The following CRLF3 variants were observed in gnomAD, a reference collection of about 807,000 sequenced individuals.
CRLF3 encodes the protein cytokine receptor like factor 3, also known as cytokine receptor-like factor 3.
CRLF3 carries 33 observed loss-of-function variants against 55.0 expected under a neutral mutation model. The ratio of observed to expected loss-of-function variants is 0.60; its 90% CI spans 0.46 to 0.80. The LOEUF is 0.80. Among genes scored for constraint, CRLF3 ranks in the 30% least tolerant of loss-of-function variants. CRLF3 has a pLI of 0.00. For missense variants in CRLF3, 494 were observed against 538.4 expected (o/e 0.92, Z 0.82); for synonymous variants, 238 against 196.8 (o/e 1.21, Z -1.75).
chr17:30,785,046 C>G (rs1186536281), intron 7 of CRLF3: 1 of 151,422 alleles, frequency 6.6e-6, no homozygotes, highest in East Asian at 1.9e-4. Context: ...CCGTGCCCAG[C>G]CAACACCACA....
At chr17:30,822,046 C>G (rs1905012418) in intron 1 of CRLF3, among the ~76,000 whole-genome samples, 1 of 144,528 alleles carries the variant, frequency 6.9e-6, no homozygotes, top group African/African-American at 2.6e-5. Flanking sequence ...TAACAAAACC[C>G]TGTCCGCACC....
intron 4 of CRLF3, among the ~76,000 whole-genome samples, chr17:30,794,616 A>G (rs7213925): frequency 0.14 from 20,631 of 152,002 alleles, 1,497 homozygotes; most frequent in South Asian, 0.25. Flanking sequence ...TAGGCAACAC[A>G]GCAAAACCCC....
At chr17:30,810,139 G>C (rs1318137700) in intron 1 of CRLF3, among the ~76,000 whole-genome samples, 16 of 152,164 alleles carry the variant, frequency 1.1e-4, no homozygotes. Flanking sequence ...TAACAAAATA[G>C]ATTTAAGAAT....
chr17:30,805,709 G>A (rs1248491551), intron 1 of CRLF3, among the ~76,000 whole-genome samples: 5 of 131,158 alleles, frequency 3.8e-5, no homozygotes, highest in African/African-American at 8.7e-5. Context: ...GTGAGACTCC[G>A]TCTCAAAAAA....
intron 6 of CRLF3, chr17:30,790,886 G>GATA (rs1971783505): frequency 6.6e-6 from 1 of 151,662 alleles, no homozygotes; most frequent in African/African-American, 2.4e-5. Context: ...AAAGTGCTGG[G>GATA]ATAATATGCA....
chr17:30,795,169 G>GA (rs536610685), intron 4 of CRLF3, among the ~76,000 whole-genome samples: 9 of 151,448 alleles, frequency 5.9e-5, no homozygotes, highest in Admixed American at 5.3e-4. Context: ...TATAAAAAAA[G>GA]AAAAAAAAAT....
intron 2 of CRLF3, among the ~76,000 whole-genome samples, chr17:30,798,375 C>T (rs975692874): frequency 1.4e-5 from 2 of 147,712 alleles, no homozygotes; most frequent in African/African-American, 2.5e-5. Context: ...GAGACTCCGT[C>T]CCCCCCGCCA....
rs543606822 is a variant in CRLF3 at position 30,783,223 on chromosome 17, T to C, written c.*964A>G. ...TGCATACTACTGCCATAACTAGTTT[T>C]ACCCTGTAAAAATACTGTAGCCTAT... On this transcript the variant is annotated 3_prime_UTR_variant, in exon 8 of 8. Transcript: ENST00000324238. 67 of 152,318 alleles carry C rather than the reference T, an allele frequency of 4.4e-4. No homozygotes were observed. The highest frequency in any genetic ancestry group is 1.6e-3 in the African/African-American group (65 of 41,570). The allele number at this position is 152,318 out of a possible 1,614,324, so 9.4% of individuals were successfully genotyped here.
At chr17:30,821,478 T>A (rs1904997112) in intron 1 of CRLF3, among the ~76,000 whole-genome samples, 1 of 152,220 alleles carries the variant, frequency 6.6e-6, no homozygotes, top group Non-Finnish European at 1.5e-5. Flanking sequence ...AAAAGTTGTC[T>A]ACAAATTCTT....
chr17:30,784,632 A>C, intron 7 of CRLF3, 189 bp from the exon 8 acceptor site: 1 of 507,406 alleles, frequency 2.0e-6, no homozygotes, highest in South Asian at 3.3e-5. Context: ...TGAGTTTCCC[A>C]TATCAGTGTC....
intron 1 of CRLF3, among the ~76,000 whole-genome samples, chr17:30,818,645 G>A (rs1317941538): frequency 6.6e-6 from 1 of 151,170 alleles, no homozygotes; most frequent in Admixed American, 6.6e-5. Context: ...GTAAAGATAG[G>A]TTTTCATCGT....
intron 2 of CRLF3, among the ~76,000 whole-genome samples, chr17:30,800,406 G>A (rs563163174): frequency 1.3e-5 from 2 of 152,088 alleles, no homozygotes; most frequent in South Asian, 4.2e-4. Context: ...CCATGCCCAA[G>A]CCAAATGCCT....
intron 1 of CRLF3, among the ~76,000 whole-genome samples, chr17:30,817,904 CAAAAAAA>C (rs924297403): frequency 1.6e-5 from 1 of 61,322 alleles, no homozygotes; most frequent in Non-Finnish European, 3.1e-5. Context: ...GACTCCATCC[CAAAAAAA>C]AAAAAAAAAA....
At chr17:30,818,259 A>T (rs78915324) in intron 1 of CRLF3, among the ~76,000 whole-genome samples, 1 of 145,980 alleles carries the variant, frequency 6.9e-6, no homozygotes. Flanking sequence ...AAACTTCATT[A>T]AAAAAAAAAA....
At chr17:30,804,471 C>T (rs1219444989) in intron 1 of CRLF3, among the ~76,000 whole-genome samples, 1 of 152,040 alleles carries the variant, frequency 6.6e-6, no homozygotes, top group African/African-American at 2.4e-5. Context: ...AACTCTGTAC[C>T]CTTTGACCAA....
At chr17:30,811,759 G>C (rs1240322909) in intron 1 of CRLF3, among the ~76,000 whole-genome samples, 2 of 134,554 alleles carry the variant, frequency 1.5e-5, no homozygotes, top group Admixed American at 1.7e-4. Context: ...AGCCGAGGCC[G>C]TGCCACTGCA....
chr17:30,785,831 A>C, intron 7 of CRLF3, 88 bp downstream of exon 7: 1 of 683,108 alleles, frequency 1.5e-6, no homozygotes. Flanking sequence ...CTCATCTCCT[A>C]CTATAAATGT....
chr17:30,824,502 C>G (rs1008068621), intron 1 of CRLF3, 21 bp downstream of exon 1: 1 of 1,577,380 alleles, frequency 6.3e-7, no homozygotes, highest in African/African-American at 1.4e-5. Context: ...CACAGCGCCC[C>G]TGTGGGTGTG....
intron 6 of CRLF3, chr17:30,786,298 G>A: frequency 7.4e-6 from 2 of 268,506 alleles, no homozygotes; most frequent in Non-Finnish European, 1.4e-5. Flanking sequence ...GAAGTGCGGT[G>A]GTGCGACCTT....
Sources: allele counts gnomAD v4.1 joint callset (sites outside exome capture counted in the v4.1 genomes callset), GRCh38; gene constraint gnomAD v4.1.1; transcripts MANE v1.5; gene names NCBI Gene and HGNC (gene_info 2026-07-23, HGNC 2026-07-21).